LNP1: variants seen among roughly 807,000 people sequenced by gnomAD.
LNP1 encodes the protein leukemia NUP98 fusion partner 1.
In LNP1, 12 loss-of-function variants were observed where a neutral mutation model predicts 14.5. The ratio of observed to expected loss-of-function variants is 0.83; its 90% CI spans 0.53 to 1.34. The LOEUF is 1.34. Among genes scored for constraint, LNP1 ranks in the 40% most tolerant of loss-of-function variants. LNP1 has a pLI of 0.00. For missense variants in LNP1, 198 were observed against 210.9 expected (o/e 0.94, Z 0.38); for synonymous variants, 75 against 71.4 (o/e 1.05, Z -0.26).
At chr3:100,435,064 T>C (rs1334011675) in intron 2 of LNP1, among the ~76,000 whole-genome samples, 1 of 152,166 alleles carries the variant, frequency 6.6e-6, no homozygotes, top group East Asian at 1.9e-4. Context: ...AGTGTCATGA[T>C]TGGCAGTGGC....
At chr3:100,409,059 T>C (rs1706999525) in intron 1 of LNP1, among the ~76,000 whole-genome samples, 1 of 152,188 alleles carries the variant, frequency 6.6e-6, no homozygotes, top group Non-Finnish European at 1.5e-5. Flanking sequence ...ATGAGATTGA[T>C]ACTTGAATTG....
At chr3:100,405,211 A>G (rs554899465) in intron 1 of LNP1, among the ~76,000 whole-genome samples, 1 of 152,222 alleles carries the variant, frequency 6.6e-6, no homozygotes, top group Non-Finnish European at 1.5e-5. Context: ...ACAAATGATT[A>G]TGCTGTTGTA....
At chr3:100,422,716 A>AT (rs1191530373) in intron 1 of LNP1, among the ~76,000 whole-genome samples, 1 of 151,838 alleles carries the variant, frequency 6.6e-6, no homozygotes, top group Non-Finnish European at 1.5e-5. Flanking sequence ...GAAGAATTTA[A>AT]TGATGCTTAA....
intron 2 of LNP1, among the ~76,000 whole-genome samples, chr3:100,446,488 A>G (rs1707387574): frequency 6.6e-6 from 1 of 152,242 alleles, no homozygotes; most frequent in African/African-American, 2.4e-5. Context: ...ACCTAAAACC[A>G]TAAAAACCCT....
intron 1 of LNP1, among the ~76,000 whole-genome samples, chr3:100,426,846 C>G (rs1161829897): frequency 6.6e-6 from 1 of 152,082 alleles, no homozygotes; most frequent in African/African-American, 2.4e-5. Context: ...GAGTAGCTTT[C>G]CCTAACTGGG....
At chr3:100,431,984 G>T (rs1707245716) in intron 2 of LNP1, among the ~76,000 whole-genome samples, 1 of 110,950 alleles carries the variant, frequency 9.0e-6, no homozygotes, top group Admixed American at 9.9e-5. Context: ...AACAGAATGA[G>T]ACCTTGTTTA....
At chr3:100,414,170 T>C (rs545667948) in intron 1 of LNP1, among the ~76,000 whole-genome samples, 1 of 152,330 alleles carries the variant, frequency 6.6e-6, no homozygotes, top group East Asian at 1.9e-4. Flanking sequence ...ACGTGGCTCC[T>C]CTGGTAATAT....
intron 1 of LNP1, among the ~76,000 whole-genome samples, chr3:100,418,226 A>ATT (rs774975365): frequency 1.4e-5 from 2 of 139,630 alleles, no homozygotes; most frequent in Non-Finnish European, 1.6e-5. Flanking sequence ...CACCCGGCTA[A>ATT]TTTTTTTTTT....
At chr3:100,446,402 G>T (rs2148907283) in intron 2 of LNP1, among the ~76,000 whole-genome samples, 1 of 152,310 alleles carries the variant, frequency 6.6e-6, no homozygotes, top group East Asian at 1.9e-4. Flanking sequence ...GCCATATGTA[G>T]AAAGCTGAAA....
At chr3:100,441,649 T>C (rs1707345096) in intron 2 of LNP1, among the ~76,000 whole-genome samples, 1 of 150,724 alleles carries the variant, frequency 6.6e-6, no homozygotes, top group African/African-American at 2.4e-5. Context: ...TATATATATA[T>C]ATGTAAATTT....
chr3:100,426,270 C>T (rs1367239669), intron 1 of LNP1, among the ~76,000 whole-genome samples: 1 of 152,200 alleles, frequency 6.6e-6, no homozygotes, highest in Non-Finnish European at 1.5e-5. Flanking sequence ...GCAATAGTCC[C>T]CGAGGCTGAA....
At chr3:100,447,391 T>A (rs58560286) in intron 2 of LNP1, among the ~76,000 whole-genome samples, 96 of 152,132 alleles carry the variant, frequency 6.3e-4, no homozygotes, top group African/African-American at 2.1e-3. Flanking sequence ...TAGGTGGGAA[T>A]TGAACAATGA....
chr3:100,426,725 A>C (rs113731581), intron 1 of LNP1, among the ~76,000 whole-genome samples: 6,315 of 152,230 alleles, frequency 0.041, 429 homozygotes, highest in African/African-American at 0.14. Flanking sequence ...AAATTATAGC[A>C]AAAATAATCA....
intron 1 of LNP1, among the ~76,000 whole-genome samples, chr3:100,427,357 GC>G (rs1707203234): frequency 6.6e-6 from 1 of 152,046 alleles, no homozygotes; most frequent in Non-Finnish European, 1.5e-5. Context: ...CTTCATTTTA[GC>G]TACCCGTGGC....
rs1707346286 is a variant in LNP1 at position 100,441,821 on chromosome 3, C to T, written c.157-9898C>T. On this transcript the variant is annotated intron_variant, in intron 2 of 3. Transcript: ENST00000383693. ...GGGATTACAGGTGCCTGCCACCATA[C>T]CCAGCTAATTTTTTTGTATTTTTAG... Among the ~76,000 whole-genome samples the T allele has an allele frequency of 3.3e-5, 5 of 151,916 alleles. No homozygotes were observed. The South Asian group carries it at 1.0e-3, about 32-fold the overall frequency.
intron 2 of LNP1, among the ~76,000 whole-genome samples, chr3:100,436,221 T>A (rs911579641): frequency 6.6e-6 from 1 of 152,166 alleles, no homozygotes; most frequent in Admixed American, 6.5e-5. Flanking sequence ...TAATTAGGTA[T>A]CTTATTGCCA....
At chr3:100,415,688 C>T (rs1310642095) in intron 1 of LNP1, among the ~76,000 whole-genome samples, 2 of 152,116 alleles carry the variant, frequency 1.3e-5, no homozygotes, top group East Asian at 3.8e-4. Flanking sequence ...TTTAGGGCAC[C>T]ATCGCTTGTA....
At chr3:100,432,619 T>G (rs2148904155) in intron 2 of LNP1, among the ~76,000 whole-genome samples, 1 of 152,354 alleles carries the variant, frequency 6.6e-6, no homozygotes, top group South Asian at 2.1e-4. Context: ...AAATCCCATG[T>G]TATTGTTCTG....
chr3:100,455,719 T>C (rs868696654), intron 3 of LNP1, 58 bp from the exon 4 acceptor site: 4 of 1,517,002 alleles, frequency 2.6e-6, no homozygotes, highest in Middle Eastern at 1.8e-4. Context: ...TTAAGAGAAA[T>C]GTGGAGTGTT....
Sources: allele counts gnomAD v4.1 joint callset (sites outside exome capture counted in the v4.1 genomes callset), GRCh38; gene constraint gnomAD v4.1.1; transcripts MANE v1.5; gene names NCBI Gene and HGNC (gene_info 2026-07-23, HGNC 2026-07-21).